The following TMEM100 variants were observed in gnomAD, a reference collection of about 807,000 sequenced individuals.
The protein encoded by TMEM100 is transmembrane protein 100.
For synonymous variants in TMEM100, 61 were observed against 67.1 expected, an observed-to-expected ratio of 0.91 and a Z score of 0.44; for missense variants, 137 against 168.2, an observed-to-expected ratio of 0.81 and a Z score of 1.02.
chr17:55,725,701 ATG>A (rs57564459), upstream of TMEM100, among the ~76,000 whole-genome samples: 4,907 of 139,588 alleles, frequency 0.035, 155 homozygotes, highest in East Asian at 0.14. Flanking sequence ...ACCCATATAT[ATG>A]TGTGTGTGTG....
upstream of TMEM100, among the ~76,000 whole-genome samples, chr17:55,724,391 G>C (rs1909006190): frequency 1.3e-5 from 2 of 152,148 alleles, no homozygotes; most frequent in African/African-American, 4.8e-5. Flanking sequence ...TGGAGGCCTT[G>C]GTCACCATGA....
upstream of TMEM100, among the ~76,000 whole-genome samples, chr17:55,725,814 CTT>C: frequency 6.6e-6 from 1 of 151,636 alleles, no homozygotes; most frequent in African/African-American, 2.4e-5. Context: ...TCACTTTTCT[CTT>C]TTTATATCTT....
At chr17:55,728,598 TG>T (rs1430878805) in intron 1 of TMEM100, among the ~76,000 whole-genome samples, 2 of 152,212 alleles carry the variant, frequency 1.3e-5, no homozygotes, top group Non-Finnish European at 2.9e-5. Flanking sequence ...TGTGCTCCTT[TG>T]GGTGCCAGGA....
At chr17:55,727,385 C>G (rs1909099110), upstream of TMEM100, among the ~76,000 whole-genome samples, 1 of 152,208 alleles carries the variant, frequency 6.6e-6, no homozygotes, top group African/African-American at 2.4e-5. Context: ...GTCAGCCTCC[C>G]TTAGTGAGTG....
upstream of TMEM100, among the ~76,000 whole-genome samples, chr17:55,727,646 T>C (rs1396506425): frequency 6.6e-6 from 1 of 152,202 alleles, no homozygotes; most frequent in Non-Finnish European, 1.5e-5. Context: ...TCCTAATCGC[T>C]GTACAATTTC....
At chr17:55,731,860 A>C (rs1421592946) in exon 1 of TMEM100, 1 of 152,254 alleles carries the variant, frequency 6.6e-6, no homozygotes, top group Non-Finnish European at 1.5e-5. Flanking sequence ...CCAATACCAT[A>C]ATAAACTGTA....
At position 55,720,595 on chromosome 17, in the gene TMEM100, T is replaced by G; in HGVS notation, c.*71A>C. ...CAAGTCTGTTCTCTCCCACCATGGTTCTGGGTGAATTGGGTGACAAAGTCA... is the reference window on the plus strand; with the variant it reads ...CAAGTCTGTTCTCTCCCACCATGGTGCTGGGTGAATTGGGTGACAAAGTCA... On this transcript the variant is annotated 3_prime_UTR_variant, in exon 2 of 2. Coordinates refer to ENST00000424486, the MANE Select transcript of TMEM100 (RefSeq NM_018286.3). 6.5e-7 allele frequency: 1 copy of G among 1,530,552 alleles called. No homozygotes were observed. The highest frequency in any genetic ancestry group is 8.8e-7 in the Non-Finnish European group (1 of 1,140,226). 94.8% of individuals were successfully genotyped at this position (1,530,552 alleles called of 1,614,324 possible).
chr17:55,721,207 G>T, intron 1 of TMEM100, 72 bp from the exon 2 acceptor site: 1 of 1,017,952 alleles, frequency 9.8e-7, no homozygotes, highest in Non-Finnish European at 1.4e-6. Context: ...TGAAAAGCTG[G>T]GGAGGCACCT....
At chr17:55,722,917 CT>C (rs1908949469), upstream of TMEM100, 1 of 152,190 alleles carries the variant, frequency 6.6e-6, no homozygotes, top group Non-Finnish European at 1.5e-5. Context: ...GGGTTTGCCC[CT>C]CCCTAACATT....
chr17:55,726,553 C>A (rs999854317), upstream of TMEM100, among the ~76,000 whole-genome samples: 5 of 152,178 alleles, frequency 3.3e-5, no homozygotes, highest in Admixed American at 2.6e-4. Context: ...ACTCGCCTGT[C>A]TTTATTTCCA....
At chr17:55,730,542 A>C (rs1909177706) in intron 1 of TMEM100, among the ~76,000 whole-genome samples, 1 of 152,184 alleles carries the variant, frequency 6.6e-6, no homozygotes, top group African/African-American at 2.4e-5. Context: ...GCTCATAAGG[A>C]GTAAACTTGC....
At chr17:55,729,866 T>C (rs1269729544) in intron 1 of TMEM100, among the ~76,000 whole-genome samples, 1 of 152,180 alleles carries the variant, frequency 6.6e-6, no homozygotes, top group Non-Finnish European at 1.5e-5. Flanking sequence ...TATTTTAAAA[T>C]AAGCACTACA....
At chr17:55,726,188 C>A (rs1285987927), upstream of TMEM100, among the ~76,000 whole-genome samples, 1 of 152,160 alleles carries the variant, frequency 6.6e-6, no homozygotes, top group Admixed American at 6.5e-5. Flanking sequence ...CCGAGGTGAC[C>A]TTCCACCAAA....
rs747306773 is a variant in TMEM100, at chr17:55,720,744, C to A, written c.327G>T (p.Val109=). 1 of 1,614,176 alleles carries A rather than the reference C, an allele frequency of 6.2e-7. No individual in the cohort carries two copies. Residue 109 remains valine (V), a synonymous_variant, in exon 2 of 2, where the codon GTG becomes GTT. Coordinates refer to ENST00000424486, the MANE Select transcript of TMEM100 (RefSeq NM_018286.3). ...TCTTGGCTTTCTTGCTCCTTTGTCT[C>A]ACTTTCCAGCACAAGGCACTGGAGG... ...LLASSALCWK[V]RQRSKKAKRR...
At chr17:55,728,716 G>A (rs1909130621) in intron 1 of TMEM100, among the ~76,000 whole-genome samples, 2 of 152,326 alleles carry the variant, frequency 1.3e-5, no homozygotes, top group South Asian at 4.1e-4. Flanking sequence ...GGACACCAAC[G>A]TGGGTAATCC....
upstream of TMEM100, among the ~76,000 whole-genome samples, chr17:55,726,140 G>A (rs1909065880): frequency 6.6e-6 from 1 of 152,112 alleles, no homozygotes. Context: ...GGATGTCAAG[G>A]CACCATAGAA....
intron 1 of TMEM100, among the ~76,000 whole-genome samples, chr17:55,730,005 T>C (rs1909165605): frequency 1.3e-5 from 2 of 152,196 alleles, no homozygotes; most frequent in South Asian, 4.1e-4. Flanking sequence ...TTTGCCTTAC[T>C]AAGAACTAAT....
chr17:55,723,005 T>A (rs1465168569), upstream of TMEM100: 1 of 152,146 alleles, frequency 6.6e-6, no homozygotes, highest in African/African-American at 2.4e-5. Context: ...AGTGACATGA[T>A]GAGTCCGAAT....
intron 1 of TMEM100, chr17:55,731,533 T>G (rs977769133): frequency 2.0e-5 from 3 of 152,126 alleles, no homozygotes; most frequent in African/African-American, 7.2e-5. Flanking sequence ...CTATCTGGGC[T>G]CAGAATATCA....
Sources: gnomAD v4.1 joint callset for allele counts (sites outside exome capture counted in the v4.1 genomes callset) on GRCh38, gnomAD v4.1.1 for gene constraint, MANE v1.5 for transcripts, NCBI Gene and HGNC (gene_info 2026-07-23, HGNC 2026-07-21) for gene names.